The following ZKSCAN5 variants were observed in gnomAD, a reference collection of about 807,000 sequenced individuals.
ZKSCAN5 encodes the protein zinc finger protein with KRAB and SCAN domains 5.
In ZKSCAN5, 28 loss-of-function variants were observed where a neutral mutation model predicts 60.0. That is an observed-to-expected ratio of 0.47 (90% CI 0.35 to 0.64). The LOEUF (loss-of-function observed/expected upper bound fraction) is 0.64. Among genes scored for constraint, ZKSCAN5 ranks in the 30% least tolerant of loss-of-function variants. The probability of loss-of-function intolerance (pLI) is 0.01; values close to 1 mark genes in which losing one functional copy is unlikely to be tolerated. For synonymous variants in ZKSCAN5, 361 were observed against 371.2 expected, an observed-to-expected ratio of 0.97 and a Z score of 0.31; for missense variants, 881 against 1,034.6, an observed-to-expected ratio of 0.85 and a Z score of 2.04.
In ZKSCAN5 at chr7:99,533,192, G is replaced by A. The variant is rs1298252734; in HGVS notation, c.*943G>A. 1.0e-4 allele frequency: 64 copies of A among 622,056 alleles called. No individual in the cohort carries two copies. Among genetic ancestry groups the A allele is most frequent in the Non-Finnish European group, 3.0e-6 (1 of 333,630 alleles). The allele number at this position is 622,056 out of a possible 1,614,324, so 38.5% of individuals were successfully genotyped here. A position where few individuals can be genotyped will look rare whatever the true frequency, so the allele number is the denominator to read the frequency against. On this transcript the variant is annotated 3_prime_UTR_variant, in exon 7 of 7. Transcript: ENST00000326775. The stretch of plus-strand genomic sequence containing the variant: ...CCCAGAAATAGACCTCTCCTGTAGA[G>A]TGGTGATATACAGAATGAGTTTCAG...
Position 99,530,021 on chromosome 7 carries a change from A to C in ZKSCAN5, c.1379-1087A>C, listed in dbSNP as rs1049785505. Among the ~76,000 whole-genome samples, 108 of 131,262 alleles carry C rather than the reference A, an allele frequency of 8.2e-4. 1 individual carries two copies. The highest frequency in any genetic ancestry group is 1.1e-3 in the Non-Finnish European group (73 of 64,342). 86.1% of individuals were successfully genotyped at this position (131,262 alleles called of 152,430 possible). A position where few individuals can be genotyped will look rare whatever the true frequency, so the allele number is the denominator to read the frequency against. On this transcript the variant is annotated intron_variant, in intron 6 of 6. Coordinates refer to ENST00000326775, the MANE Select transcript of ZKSCAN5 (RefSeq NM_145102.4). Reference sequence around the variant, plus strand: ...AGTTCTGGGATTACAGGCGTGAGCCACCTGCACCCGGCCTTTTTTTTTTTT... The same window carrying C: ...AGTTCTGGGATTACAGGCGTGAGCCCCCTGCACCCGGCCTTTTTTTTTTTT...
chr7:99,520,427 T>A (rs1423632461), intron 5 of ZKSCAN5, 123 bp downstream of exon 5: 15 of 1,197,850 alleles, frequency 1.3e-5, no homozygotes, highest in Non-Finnish European at 1.1e-5. Flanking sequence ...TTTTTTTTAT[T>A]TTTTGTAAAA....
At position 99,533,231 on chromosome 7, in the gene ZKSCAN5, TG is replaced by T. The variant is rs1229783809; in HGVS notation, c.*985del. ...AATGAGTTTCAGTTTGCATTGCAGC[TG>T]GGATTGAAAGTAATCAGTCGTGAGC... On this transcript the variant is annotated 3_prime_UTR_variant, in exon 7 of 7. Coordinates refer to ENST00000326775, the MANE Select transcript of ZKSCAN5 (RefSeq NM_145102.4). 8.8e-6 allele frequency: 6 copies of T among 681,514 alleles called. No individual in the cohort carries two copies. Among genetic ancestry groups the T allele is most frequent in the Non-Finnish European group, 1.6e-5 (6 of 371,802 alleles). The allele number at this position is 681,514 out of a possible 1,614,324, so 42.2% of individuals were successfully genotyped here. A position where few individuals can be genotyped will look rare whatever the true frequency, so the allele number is the denominator to read the frequency against.
At chr7:99,515,129 G>T (rs1478712501) in intron 3 of ZKSCAN5, among the ~76,000 whole-genome samples, 1 of 151,998 alleles carries the variant, frequency 6.6e-6, no homozygotes, top group African/African-American at 2.4e-5. Flanking sequence ...GAAAAGCCAG[G>T]GGTGGTGGCT....
chr7:99,511,702 G>A (rs1263646308), intron 2 of ZKSCAN5, among the ~76,000 whole-genome samples: 2 of 87,924 alleles, frequency 2.3e-5, no homozygotes, highest in African/African-American at 8.4e-5. Flanking sequence ...TTCAGCCTCC[G>A]AAAGTGTTGA....
At position 99,531,678 on chromosome 7, in the gene ZKSCAN5, G is replaced by A. The variant is rs772663935; in HGVS notation, c.1949G>A (p.Gly650Glu). The change falls in exon 7 of 7, where the codon GGA becomes GAA. Residue 650 changes from glycine (G) to glutamate (E), a missense_variant. This residue lies in a region of ZKSCAN5 where 112 missense variants were observed against 182.4 expected (regional missense o/e 0.61). Coordinates refer to ENST00000326775, the MANE Select transcript of ZKSCAN5 (RefSeq NM_145102.4). ...KGFGRRSHLAGHLRLHSREKS... is the reference protein window; with the variant it reads ...KGFGRRSHLAEHLRLHSREKS... ...TTTGGGAGGCGTTCCCACCTGGCTG[G>A]ACATCTTCGACTCCACTCCCGAGAG... 2.5e-6 allele frequency: 4 copies of A among 1,614,178 alleles called. No individual in the cohort carries two copies. Among genetic ancestry groups the A allele is most frequent in the Non-Finnish European group, 2.5e-6 (3 of 1,180,044 alleles).
chr7:99,525,236 C>G (rs1801723552), intron 5 of ZKSCAN5, among the ~76,000 whole-genome samples: 1 of 151,652 alleles, frequency 6.6e-6, no homozygotes, highest in African/African-American at 2.4e-5. Flanking sequence ...CTTTGGGAAG[C>G]TGAGGTGGGA....
intron 3 of ZKSCAN5, among the ~76,000 whole-genome samples, chr7:99,518,101 C>T (rs142986347): frequency 5.9e-5 from 9 of 152,188 alleles, no homozygotes; most frequent in Non-Finnish European, 7.4e-5. Context: ...TCCAGGAAGC[C>T]GTGGCACTGG....
chr7:99,526,561 T>A, intron 6 of ZKSCAN5, 143 bp downstream of exon 6: 1 of 1,391,586 alleles, frequency 7.2e-7, no homozygotes, highest in Non-Finnish European at 9.6e-7. Context: ...TTGGTTCTTA[T>A]GTATTTATTT....
In ZKSCAN5 at chr7:99,520,282, C is replaced by A; in HGVS notation, c.750C>A (p.Asn250Lys). ...TTTATAGGGATGACAGGAAGGAGAA[C>A]TATGGGAGTATTACTTCCATGGGTA... ...KSLYRDDRKE[N>K]YGSITSMGYE... Residue 250 changes from asparagine to lysine, a missense_variant, in exon 5 of 7, where the codon AAC becomes AAA. Asn to Lys is a moderately conservative substitution (Grantham distance 94, BLOSUM62 0). Coordinates refer to ENST00000326775, the MANE Select transcript of ZKSCAN5 (RefSeq NM_145102.4). 6.2e-7 allele frequency: 1 copy of A among 1,613,552 alleles called. No individual in the cohort carries two copies. Among genetic ancestry groups the A allele is most frequent in the Non-Finnish European group, 8.5e-7 (1 of 1,179,896 alleles).
intron 6 of ZKSCAN5, among the ~76,000 whole-genome samples, chr7:99,528,663 G>A (rs1430403735): frequency 1.3e-5 from 2 of 152,166 alleles, no homozygotes; most frequent in African/African-American, 4.8e-5. Context: ...CTAGGCTTAA[G>A]CGATCCTCCA....
Position 99,533,897 on chromosome 7 carries a change from T to C in ZKSCAN5, c.*1648T>C, listed in dbSNP as rs530385572. The C allele has an allele frequency of 9.7e-4, 307 of 316,832 alleles. No homozygotes were observed. The highest frequency in any genetic ancestry group is 1.3e-3 in the Non-Finnish European group (233 of 174,946). The allele number at this position is 316,832 out of a possible 1,614,324, so 19.6% of individuals were successfully genotyped here. ...AGACATTTGGTGCCACAAGTGGTCA[T>C]AGGAAGCTGCTGTGAGAGTGGATTG... On this transcript the variant is annotated 3_prime_UTR_variant, in exon 7 of 7. Transcript: ENST00000326775.
At chr7:99,516,600 A>T (rs1051433504) in intron 3 of ZKSCAN5, among the ~76,000 whole-genome samples, 2 of 152,152 alleles carry the variant, frequency 1.3e-5, no homozygotes, top group African/African-American at 4.8e-5. Flanking sequence ...AAGTCAAGGC[A>T]CATGTGGATG....
rs760620196 is a variant in ZKSCAN5 at position 99,526,333 on chromosome 7, C to G, written c.1293C>G (p.Gly431=). The G allele has an allele frequency of 6.2e-7, 1 of 1,609,470 alleles. No individual in the cohort carries two copies. The highest frequency in any genetic ancestry group is 8.5e-7 in the Non-Finnish European group (1 of 1,180,026). The change falls in exon 6 of 7, where the codon GGC becomes GGG. Residue 431 remains glycine, a synonymous_variant. Transcript: ENST00000326775. The stretch of plus-strand genomic sequence containing the variant: ...TCCACAGCGGAGAGAGGCCCTATGG[C>G]TGCAATGAGTGTGGGAAGAACTTCG... The part of the protein sequence containing the change: ...HSVHSGERPY[G]CNECGKNFGR...
rs753238052 is a variant in ZKSCAN5, at chr7:99,532,194, G to A, written c.2465G>A (p.Ser822Asn). Reference sequence around the variant, plus strand: ...TGTAGCCTCTTTAAACACCTGAGAAGCCATGAGAGGACAGATCCCATAAAT... The same window carrying A: ...TGTAGCCTCTTTAAACACCTGAGAAACCATGAGAGGACAGATCCCATAAAT... Reference protein sequence around the residue: ...WSCSLFKHLRSHERTDPINTL... With the variant: ...WSCSLFKHLRNHERTDPINTL... Residue 822 changes from serine (S) to asparagine (N), a missense_variant, in exon 7 of 7, where the codon AGC (serine) becomes AAC (asparagine). Ser to Asn is a conservative substitution (Grantham distance 46). Coordinates refer to ENST00000326775, the MANE Select transcript of ZKSCAN5 (RefSeq NM_145102.4). 6 of 1,612,324 alleles carry A rather than the reference G, an allele frequency of 3.7e-6. No individual in the cohort carries two copies. In the South Asian group the frequency reaches 6.6e-5, roughly 18 times the overall value.
At chr7:99,515,249 A>G (rs1035577800) in intron 3 of ZKSCAN5, among the ~76,000 whole-genome samples, 1 of 149,496 alleles carries the variant, frequency 6.7e-6, no homozygotes, top group Admixed American at 6.7e-5. Context: ...TACTAAAAAT[A>G]TGCAACAATT....
intron 3 of ZKSCAN5, among the ~76,000 whole-genome samples, chr7:99,515,643 G>A (rs1433819486): frequency 6.6e-6 from 1 of 151,994 alleles, no homozygotes; most frequent in Non-Finnish European, 1.5e-5. Context: ...AGACCAGCCT[G>A]GCCAACATGG....
intron 3 of ZKSCAN5, chr7:99,513,861 T>C (rs1006503885): frequency 5.8e-6 from 1 of 171,878 alleles, no homozygotes; most frequent in Middle Eastern, 2.7e-3. Context: ...AACCCCGTCA[T>C]GATGAAACAC....
Position 99,519,920 on chromosome 7 carries a change from G to A in ZKSCAN5, c.636+11G>A, listed in dbSNP as rs1301479057. On this transcript the variant is annotated intron_variant, in intron 4 of 6. Transcript: ENST00000326775. ...TCAACTGGGTCCCAGGTGAGCTGGT[G>A]CCCCTTTGCCCTCAGAGAGGACCCA... is the stretch of plus-strand genomic sequence containing the variant. 7 of 1,613,848 alleles carry A rather than the reference G, an allele frequency of 4.3e-6. No homozygotes were observed. Among genetic ancestry groups the A allele is most frequent in the Admixed American group, 1.7e-5 (1 of 59,998 alleles).
Sources: gnomAD v4.1 joint callset for allele counts (sites outside exome capture counted in the v4.1 genomes callset) on GRCh38, gnomAD v4.1.1 for gene constraint, gnomAD v4.1.1 regional missense constraint, MANE v1.5 for transcripts, NCBI Gene and HGNC (gene_info 2026-07-23, HGNC 2026-07-21) for gene names.